RBMS3: variants seen among roughly 807,000 people sequenced by gnomAD.
RBMS3 encodes the protein RNA binding motif single stranded interacting protein 3, also known as RNA-binding motif, single-stranded-interacting protein 3.
Under a neutral mutation model 66.8 loss-of-function variants are expected in RBMS3, and 27 were observed. The ratio of observed to expected loss-of-function variants is 0.40; its 90% CI spans 0.30 to 0.56. The LOEUF is 0.56. RBMS3 is among the 20% of genes least tolerant of loss of function. RBMS3 has a pLI of 0.40. For missense variants in RBMS3, 513 were observed against 549.5 expected, an observed-to-expected ratio of 0.93 and a Z score of 0.66; for synonymous variants, 188 against 183.0, an observed-to-expected ratio of 1.03 and a Z score of -0.22.
chr3:29,359,862 AG>A, intron 1 of RBMS3, among the ~76,000 whole-genome samples: 2 of 152,252 alleles, frequency 1.3e-5, no homozygotes, highest in Middle Eastern at 6.8e-3. Flanking sequence ...CTCTGATGGT[AG>A]TTTGTATTTC....
intron 4 of RBMS3, among the ~76,000 whole-genome samples, chr3:29,613,112 A>G (rs145422530): frequency 5.3e-5 from 8 of 152,070 alleles, no homozygotes; most frequent in African/African-American, 1.9e-4. Flanking sequence ...ATCTTGAAAT[A>G]CTTAATAATT....
At chr3:29,955,530 G>A (rs1473626970) in intron 12 of RBMS3, among the ~76,000 whole-genome samples, 37 of 151,946 alleles carry the variant, frequency 2.4e-4, no homozygotes. Flanking sequence ...CTTGGATTAA[G>A]CTAAAAAAAA....
chr3:29,882,197 C>G (rs2059752832), intron 7 of RBMS3, among the ~76,000 whole-genome samples: 1 of 152,146 alleles, frequency 6.6e-6, no homozygotes. Flanking sequence ...CAGCTCCATT[C>G]TGTGTTCAGC....
intron 4 of RBMS3, among the ~76,000 whole-genome samples, chr3:29,678,162 C>G (rs2051331390): frequency 1.3e-5 from 2 of 152,132 alleles, no homozygotes; most frequent in South Asian, 4.1e-4. Context: ...CCCCATTTGT[C>G]AATTCCTGTT....
At chr3:29,299,935 A>G (rs932548197) in intron 1 of RBMS3, among the ~76,000 whole-genome samples, 1 of 151,916 alleles carries the variant, frequency 6.6e-6, no homozygotes, top group Admixed American at 6.6e-5. Flanking sequence ...ATATATGACA[A>G]AAGTTTAATA....
intron 8 of RBMS3, 67 bp downstream of exon 8, chr3:29,884,275 G>GA (rs2059806696): frequency 7.0e-7 from 1 of 1,432,860 alleles, no homozygotes; most frequent in Non-Finnish European, 9.7e-7. Context: ...CAACATCAAA[G>GA]AAAAATGTTA....
intron 6 of RBMS3, among the ~76,000 whole-genome samples, chr3:29,784,195 G>C (rs947904206): frequency 6.6e-6 from 1 of 152,038 alleles, no homozygotes. Context: ...ACAACACATG[G>C]ATTTAACAGA....
At chr3:29,326,848 A>G (rs2125504002) in intron 1 of RBMS3, among the ~76,000 whole-genome samples, 1 of 151,250 alleles carries the variant, frequency 6.6e-6, no homozygotes, top group Non-Finnish European at 1.5e-5. Context: ...CTCCTGCCTC[A>G]GTCTCACAAG....
chr3:29,323,623 C>T (rs1435273242), intron 1 of RBMS3, among the ~76,000 whole-genome samples: 2 of 151,658 alleles, frequency 1.3e-5, no homozygotes, highest in Non-Finnish European at 2.9e-5. Context: ...GCTCTTGACA[C>T]CCCTCTGTCT....
chr3:29,969,667 G>C (rs1300807597), intron 12 of RBMS3, among the ~76,000 whole-genome samples: 1 of 152,114 alleles, frequency 6.6e-6, no homozygotes, highest in East Asian at 1.9e-4. Context: ...GGCTCTGTTA[G>C]GGCTATTTTC....
intron 12 of RBMS3, among the ~76,000 whole-genome samples, chr3:29,951,096 A>G (rs1695654910): frequency 6.6e-6 from 1 of 151,862 alleles, no homozygotes; most frequent in Non-Finnish European, 1.5e-5. Flanking sequence ...TTCTTAATGC[A>G]GTGCTTAATT....
At chr3:29,699,080 A>T (rs1440515) in intron 4 of RBMS3, among the ~76,000 whole-genome samples, 18,418 of 152,172 alleles carry the variant, frequency 0.12, 2,438 homozygotes, top group African/African-American at 0.33. Context: ...ATACTATCCT[A>T]GTGAAGAGGC....
intron 4 of RBMS3, among the ~76,000 whole-genome samples, chr3:29,635,286 C>A (rs2049434537): frequency 6.6e-6 from 1 of 151,810 alleles, no homozygotes; most frequent in Non-Finnish European, 1.5e-5. Context: ...AAACATCAAA[C>A]CTAAACCCCT....
chr3:29,305,825 C>T (rs2033970567), intron 1 of RBMS3, among the ~76,000 whole-genome samples: 1 of 151,892 alleles, frequency 6.6e-6, no homozygotes, highest in African/African-American at 2.4e-5. Context: ...AGTGATTTTC[C>T]AGAGGAAATT....
intron 3 of RBMS3, among the ~76,000 whole-genome samples, chr3:29,511,076 AT>A (rs1182142347): frequency 1.3e-5 from 2 of 152,170 alleles, no homozygotes; most frequent in African/African-American, 4.8e-5. Context: ...AGGTGGGTGG[AT>A]CACTAGGTGA....
At chr3:29,659,058 C>T (rs1388047287) in intron 4 of RBMS3, among the ~76,000 whole-genome samples, 3 of 152,098 alleles carry the variant, frequency 2.0e-5, no homozygotes, top group East Asian at 3.9e-4. Context: ...ACCTCGTAAT[C>T]TGCCCGCCTC....
intron 2 of RBMS3, among the ~76,000 whole-genome samples, chr3:29,479,107 C>G (rs2043047185): frequency 6.6e-6 from 1 of 151,908 alleles, no homozygotes; most frequent in African/African-American, 2.4e-5. Context: ...TAAATATAAG[C>G]AATATAACTT....
intron 3 of RBMS3, among the ~76,000 whole-genome samples, chr3:29,511,800 T>C (rs767336759): frequency 2.6e-4 from 39 of 151,594 alleles, no homozygotes; most frequent in Non-Finnish European, 1.9e-4. Flanking sequence ...AAGGATCCAA[T>C]TGTGTCTTGG....
At chr3:29,521,595 A>C (rs2044859456) in intron 3 of RBMS3, among the ~76,000 whole-genome samples, 1 of 152,214 alleles carries the variant, frequency 6.6e-6, no homozygotes. Flanking sequence ...CAGGATGTAC[A>C]AATCTGTGCT....
Sources: allele counts gnomAD v4.1 joint callset (sites outside exome capture counted in the v4.1 genomes callset), GRCh38; gene constraint gnomAD v4.1.1; transcripts MANE v1.5; gene names NCBI Gene and HGNC (gene_info 2026-07-23, HGNC 2026-07-21).